The following TYW1 variants were observed in gnomAD, a reference collection of about 807,000 sequenced individuals.
The protein encoded by TYW1 is tRNA-yW synthesizing protein 1 homolog, also known as S-adenosyl-L-methionine-dependent tRNA 4-demethylwyosine synthase TYW1.
A neutral mutation model predicts 96.2 loss-of-function variants in TYW1; 46 were observed. The observed-to-expected ratio is 0.48, with a 90% CI of 0.38 to 0.61. The LOEUF (loss-of-function observed/expected upper bound fraction) is 0.61, where lower values mean the gene tolerates loss of function less well. Ranked by LOEUF, TYW1 falls within the 20% of genes least tolerant of loss-of-function variation. The pLI is 0.00. For missense variants in TYW1, 684 were observed against 909.6 expected (o/e 0.75, Z 3.19); for synonymous variants, 274 against 323.0 (o/e 0.85, Z 1.63).
chr7:67,132,848 C>T (rs1365303450), intron 13 of TYW1, among the ~76,000 whole-genome samples: 1 of 152,122 alleles, frequency 6.6e-6, no homozygotes, highest in Non-Finnish European at 1.5e-5. Context: ...AAATATTCCC[C>T]GATGTAGGAG....
intron 6 of TYW1, among the ~76,000 whole-genome samples, chr7:67,023,181 C>G (rs1794335086): frequency 6.6e-6 from 1 of 152,058 alleles, no homozygotes; most frequent in Non-Finnish European, 1.5e-5. Flanking sequence ...ACTGCAACCT[C>G]CACCTCCTGG....
intron 11 of TYW1, among the ~76,000 whole-genome samples, chr7:67,097,961 A>G (rs1373574756): frequency 6.6e-6 from 1 of 151,916 alleles, no homozygotes; most frequent in African/African-American, 2.4e-5. Flanking sequence ...TTGGCCTCCC[A>G]AAGTGCTGGG....
chr7:67,055,257 TAGAGAC>T (rs1795471788), intron 8 of TYW1, among the ~76,000 whole-genome samples: 1 of 152,216 alleles, frequency 6.6e-6, no homozygotes, highest in Non-Finnish European at 1.5e-5. Context: ...TGAGATCTGT[TAGAGAC>T]AGAGAGGTTA....
At chr7:67,038,348 G>C (rs1187859414) in intron 7 of TYW1, among the ~76,000 whole-genome samples, 4 of 151,194 alleles carry the variant, frequency 2.6e-5, no homozygotes, top group Non-Finnish European at 5.9e-5. Flanking sequence ...GCTCATTCCT[G>C]TAATCCCAGA....
intron 12 of TYW1, among the ~76,000 whole-genome samples, chr7:67,105,556 G>A (rs1797210125): frequency 6.6e-6 from 1 of 152,166 alleles, no homozygotes; most frequent in African/African-American, 2.4e-5. Flanking sequence ...GGCAAAAGTT[G>A]TCAAGAGCCA....
intron 11 of TYW1, among the ~76,000 whole-genome samples, chr7:67,097,590 G>C (rs540031280): frequency 6.6e-6 from 1 of 152,268 alleles, no homozygotes; most frequent in South Asian, 2.1e-4. Context: ...GTAGAGACAG[G>C]GTTTCACCAT....
intron 13 of TYW1, among the ~76,000 whole-genome samples, chr7:67,138,005 G>A (rs1336285140): frequency 6.6e-6 from 1 of 152,176 alleles, no homozygotes; most frequent in Non-Finnish European, 1.5e-5. Flanking sequence ...CTACCGATCT[G>A]GACTAGGCCT....
intron 15 of TYW1, among the ~76,000 whole-genome samples, chr7:67,230,353 G>A (rs1418026131): frequency 7.8e-6 from 1 of 127,910 alleles, no homozygotes. Context: ...GGTTGTTGAT[G>A]TGCTTTTTCC....
At chr7:67,015,737 C>A (rs149274780) in intron 5 of TYW1, among the ~76,000 whole-genome samples, 1 of 151,956 alleles carries the variant, frequency 6.6e-6, no homozygotes, top group African/African-American at 2.4e-5. Flanking sequence ...CTGAGGCAGG[C>A]GGATCACGAG....
Position 66,998,103 on chromosome 7 carries a change from A to G in TYW1, c.43A>G (p.Ile15Val), listed in dbSNP as rs746897624. The G allele has an allele frequency of 6.8e-6, 11 of 1,610,742 alleles. No homozygotes were observed. The highest frequency in any genetic ancestry group is 7.6e-6 in the Non-Finnish European group (9 of 1,179,214). The change falls in exon 2 of 16, where the codon ATA (isoleucine) becomes GTA (valine). Residue 15 changes from isoleucine to valine, a missense_variant. By Grantham distance (29) the Ile-to-Val change is conservative (BLOSUM62 3). Coordinates refer to ENST00000359626, the MANE Select transcript of TYW1 (RefSeq NM_018264.4). Reference sequence around the variant, plus strand: ...TACATGGGACCTCTTCTCACCTTTAATATCATTATGGATAAACAGGTTTTA... The same window carrying G: ...TACATGGGACCTCTTCTCACCTTTAGTATCATTATGGATAAACAGGTTTTA... ...ADTWDLFSPL[I>V]SLWINRFYIY...
At chr7:67,214,075 G>A (rs1221963155) in intron 15 of TYW1, among the ~76,000 whole-genome samples, 1 of 152,086 alleles carries the variant, frequency 6.6e-6, no homozygotes, top group Non-Finnish European at 1.5e-5. Context: ...GATTGGGATT[G>A]CCCTGAATCT....
At chr7:67,237,215 C>T (rs1480138642) in intron 15 of TYW1, among the ~76,000 whole-genome samples, 5 of 152,068 alleles carry the variant, frequency 3.3e-5, no homozygotes, top group African/African-American at 9.7e-5. Context: ...AAGACAGTGG[C>T]ATGGGCCGGG....
intron 13 of TYW1, among the ~76,000 whole-genome samples, chr7:67,172,138 T>C (rs549240879): frequency 6.6e-6 from 1 of 152,180 alleles, no homozygotes; most frequent in East Asian, 1.9e-4. Context: ...GCTGTCTTTT[T>C]CTCTATTTTT....
intron 7 of TYW1, among the ~76,000 whole-genome samples, chr7:67,025,285 A>G (rs1018950225): frequency 1.3e-5 from 2 of 152,050 alleles, no homozygotes; most frequent in African/African-American, 4.8e-5. Context: ...GGGGTGTCCA[A>G]TCTTTTGGCT....
intron 15 of TYW1, among the ~76,000 whole-genome samples, chr7:67,222,992 A>G (rs545532783): frequency 4.5e-4 from 67 of 148,266 alleles, no homozygotes; most frequent in African/African-American, 1.5e-3. Flanking sequence ...CATTTCAGTT[A>G]TTACACTTTT....
intron 13 of TYW1, among the ~76,000 whole-genome samples, chr7:67,151,414 A>G (rs1464082813): frequency 1.3e-5 from 2 of 151,964 alleles, no homozygotes; most frequent in Non-Finnish European, 2.9e-5. Context: ...TTTAATTCTT[A>G]CTTGTGACTG....
intron 10 of TYW1, among the ~76,000 whole-genome samples, chr7:67,083,090 G>A (rs191736753): frequency 2.0e-5 from 3 of 152,128 alleles, no homozygotes; most frequent in African/African-American, 7.2e-5. Flanking sequence ...AAGTGTCGAC[G>A]TAGATGACAG....
intron 7 of TYW1, among the ~76,000 whole-genome samples, chr7:67,040,020 A>C (rs1584492190): frequency 6.8e-6 from 1 of 147,922 alleles, no homozygotes; most frequent in African/African-American, 2.5e-5. Context: ...GCAGTGGTGC[A>C]ATCTTGGCTC....
At chr7:67,191,858 T>G (rs764504465) in intron 14 of TYW1, among the ~76,000 whole-genome samples, 1 of 151,936 alleles carries the variant, frequency 6.6e-6, no homozygotes, top group Non-Finnish European at 1.5e-5. Flanking sequence ...CCAGGACTGC[T>G]TCCCTCAGAG....
Sources: gnomAD v4.1 joint callset for allele counts (sites outside exome capture counted in the v4.1 genomes callset) on GRCh38, gnomAD v4.1.1 for gene constraint, MANE v1.5 for transcripts, NCBI Gene and HGNC (gene_info 2026-07-23, HGNC 2026-07-21) for gene names.